The following CALN1 variants were observed in gnomAD, a reference collection of about 807,000 sequenced individuals.
The protein encoded by CALN1 is calcium-binding protein 8.
CALN1 carries 17 observed loss-of-function variants against 30.6 expected under a neutral mutation model. The ratio of observed to expected loss-of-function variants is 0.56; its 90% CI spans 0.38 to 0.83. The LOEUF is 0.83. CALN1 is among the 40% of genes least tolerant of loss of function. The pLI is 0.00. For missense variants in CALN1, 291 were observed against 354.9 expected (o/e 0.82, Z 1.45); for synonymous variants, 156 against 131.4 (o/e 1.19, Z -1.28).
intron 2 of CALN1, among the ~76,000 whole-genome samples, chr7:72,303,452 G>A (rs1239838043): frequency 6.6e-6 from 1 of 151,978 alleles, no homozygotes; most frequent in African/African-American, 2.4e-5. Context: ...AGCTACTTGG[G>A]AGGCTGAGAC....
At chr7:72,456,723 G>C in the CALN1 span, among the ~76,000 whole-genome samples, 2 of 152,148 alleles carry the variant, frequency 1.3e-5, no homozygotes, top group East Asian at 3.9e-4. Context: ...GCGTGCACTT[G>C]TAGTCCCAGC....
chr7:71,832,962 G>A (rs1435948314), intron 5 of CALN1, among the ~76,000 whole-genome samples: 1 of 152,148 alleles, frequency 6.6e-6, no homozygotes, highest in African/African-American at 2.4e-5. Flanking sequence ...TGCCCGCGAT[G>A]TCTTGATCCT....
Position 72,140,276 on chromosome 7 carries a change from A to AAGAGAGAGAG in CALN1, c.245-33992_245-33983dup, listed in dbSNP as rs71069028. On this transcript the variant is annotated intron_variant, in intron 3 of 6. Coordinates refer to ENST00000395275, the MANE Select transcript of CALN1 (RefSeq NM_031468.4). ...ACAGAGTGAGACCTTGTCTCAAAAT[A>AAGAGAGAGAG]AGAGAGAGAGAGAGAGAGAGAGAGA... 3.6e-3 allele frequency among the ~76,000 whole-genome samples: 432 copies of AAGAGAGAGAG among 119,946 alleles called. 1 individual carries two copies. The highest frequency in any genetic ancestry group is 0.013 in the Middle Eastern group (3 of 232). The allele number at this position is 119,946 out of a possible 152,430, so 78.7% of individuals were successfully genotyped here. A position where few individuals can be genotyped will look rare whatever the true frequency, so the allele number is the denominator to read the frequency against.
At chr7:72,291,856 C>A (rs1798499430) in intron 2 of CALN1, among the ~76,000 whole-genome samples, 1 of 152,156 alleles carries the variant, frequency 6.6e-6, no homozygotes, top group African/African-American at 2.4e-5. Flanking sequence ...AAGTGATGCA[C>A]CTGCCTTGGC....
At chr7:72,480,546 G>A in the CALN1 span, among the ~76,000 whole-genome samples, 1 of 152,072 alleles carries the variant, frequency 6.6e-6, no homozygotes, top group African/African-American at 2.4e-5. Flanking sequence ...TTTTCTAGGA[G>A]CGTTTGTGTG....
At chr7:71,974,605 A>T (rs10950290) in intron 5 of CALN1, among the ~76,000 whole-genome samples, 59,727 of 151,880 alleles carry the variant, frequency 0.39, 13,229 homozygotes, top group East Asian at 0.78. Context: ...CTGGGCAGAA[A>T]GCAGTAGACT....
intron 3 of CALN1, among the ~76,000 whole-genome samples, chr7:72,224,369 AT>A (rs1425924287): frequency 5.3e-5 from 8 of 151,952 alleles, no homozygotes; most frequent in Non-Finnish European, 1.0e-4. Flanking sequence ...GGAAGGCAAA[AT>A]TTTTTTTGGA....
intron 4 of CALN1, among the ~76,000 whole-genome samples, chr7:72,045,327 T>TGG (rs1802397408): frequency 6.6e-6 from 1 of 152,174 alleles, no homozygotes; most frequent in Non-Finnish European, 1.5e-5. Context: ...AGCTCCTGAC[T>TGG]ATGTGTGCTT....
At chr7:72,238,930 C>T (rs1201442522) in intron 3 of CALN1, among the ~76,000 whole-genome samples, 1 of 152,208 alleles carries the variant, frequency 6.6e-6, no homozygotes, top group Non-Finnish European at 1.5e-5. Context: ...CCAGACCTCT[C>T]ATGATCAGAC....
intron 4 of CALN1, among the ~76,000 whole-genome samples, chr7:72,096,594 A>G (rs1014377810): frequency 5.3e-5 from 8 of 152,170 alleles, no homozygotes; most frequent in African/African-American, 1.9e-4. Context: ...CTGAGCTGCC[A>G]AGAACGCTTC....
At chr7:71,846,088 G>A (rs1790217641) in intron 5 of CALN1, among the ~76,000 whole-genome samples, 1 of 152,068 alleles carries the variant, frequency 6.6e-6, no homozygotes, top group African/African-American at 2.4e-5. Flanking sequence ...CCTCCTGGAT[G>A]TCATCGTCTT....
At chr7:72,451,244 A>AAG (rs1808655582), upstream of CALN1, among the ~76,000 whole-genome samples, 1 of 106,164 alleles carries the variant, frequency 9.4e-6, no homozygotes, top group African/African-American at 5.1e-5. Context: ...AGAAGGAGGA[A>AAG]GAGGAGGAAG....
intron 5 of CALN1, among the ~76,000 whole-genome samples, chr7:71,869,696 C>A (rs897035320): frequency 1.3e-5 from 2 of 152,162 alleles, no homozygotes; most frequent in Non-Finnish European, 2.9e-5. Context: ...GGATTAATTT[C>A]ATTCTTGGAA....
chr7:71,971,997 A>AAGAAAG (rs1562946863), intron 5 of CALN1, among the ~76,000 whole-genome samples: 11 of 143,786 alleles, frequency 7.7e-5, no homozygotes, highest in African/African-American at 1.8e-4. Context: ...AAGAAAGAGA[A>AAGAAAG]AGAAAGAAAA....
chr7:71,965,047 A>T (rs1797463814), intron 5 of CALN1, among the ~76,000 whole-genome samples: 1 of 152,042 alleles, frequency 6.6e-6, no homozygotes, highest in Non-Finnish European at 1.5e-5. Context: ...TTAATTTTGG[A>T]GACATGGTCT....
upstream of CALN1, among the ~76,000 whole-genome samples, chr7:72,449,522 A>G (rs952996998): frequency 6.6e-6 from 1 of 152,046 alleles, no homozygotes; most frequent in Non-Finnish European, 1.5e-5. Context: ...CCTGGTTCAC[A>G]CCCTTAGATA....
chr7:72,079,946 T>C (rs991731091), intron 4 of CALN1, among the ~76,000 whole-genome samples: 6 of 151,882 alleles, frequency 4.0e-5, no homozygotes, highest in Non-Finnish European at 7.4e-5. Flanking sequence ...AATTTTTGTA[T>C]TTTTAGTAGA....
At chr7:72,281,148 AG>A (rs1475232197) in intron 2 of CALN1, among the ~76,000 whole-genome samples, 2 of 151,430 alleles carry the variant, frequency 1.3e-5, no homozygotes, top group African/African-American at 4.9e-5. Context: ...AAAAAAAAAA[AG>A]ATGAATTCAG....
intron 3 of CALN1, among the ~76,000 whole-genome samples, chr7:72,230,586 G>A (rs1794026449): frequency 6.6e-6 from 1 of 152,008 alleles, no homozygotes; most frequent in South Asian, 2.1e-4. Flanking sequence ...TGCTGCCTTT[G>A]AAGATGGAAG....
Sources: gnomAD v4.1 joint callset for allele counts (sites outside exome capture counted in the v4.1 genomes callset) on GRCh38, gnomAD v4.1.1 for gene constraint, MANE v1.5 for transcripts, NCBI Gene and HGNC (gene_info 2026-07-23, HGNC 2026-07-21) for gene names.